Variants in IL23R observed in about 807,000 individuals in gnomAD.
The protein encoded by IL23R is interleukin 23 receptor.
Under a neutral mutation model 56.9 loss-of-function variants are expected in IL23R, and 34 were observed. The ratio of observed to expected loss-of-function variants is 0.60; its 90% confidence interval spans 0.45 to 0.80. The LOEUF (loss-of-function observed/expected upper bound fraction) is 0.80. Ranked by LOEUF, IL23R falls within the 30% of genes least tolerant of loss-of-function variation. IL23R has a pLI of 0.00. For missense variants in IL23R, 635 were observed against 730.0 expected (o/e 0.87, Z 1.50); for synonymous variants, 230 against 249.2 (o/e 0.92, Z 0.73).
chr1:67,254,945 G>T (rs748394833), intron 9 of IL23R, among the ~76,000 whole-genome samples: 9 of 152,094 alleles, frequency 5.9e-5, no homozygotes, highest in Non-Finnish European at 1.2e-4. Flanking sequence ...ACATGGTCTA[G>T]GTAGAAACCA....
intron 1 of IL23R, among the ~76,000 whole-genome samples, chr1:67,147,082 C>G (rs1315452937): frequency 6.6e-6 from 1 of 152,056 alleles, no homozygotes; most frequent in Non-Finnish European, 1.5e-5. Context: ...GGAAGGGACT[C>G]TTTCTTGAGT....
At chr1:67,264,424 G>C (rs1455755918), downstream of IL23R, among the ~76,000 whole-genome samples, 1 of 152,170 alleles carries the variant, frequency 6.6e-6, no homozygotes, top group Non-Finnish European at 1.5e-5. Flanking sequence ...AGAAGATAAT[G>C]TTTTAATGGG....
At chr1:67,223,848 A>T (rs901851016) in intron 7 of IL23R, among the ~76,000 whole-genome samples, 10 of 152,184 alleles carry the variant, frequency 6.6e-5, no homozygotes, top group African/African-American at 2.4e-4. Flanking sequence ...TTTATCCATT[A>T]TCAATAAACT....
At chr1:67,239,623 A>C (rs901348644) in intron 8 of IL23R, among the ~76,000 whole-genome samples, 3 of 151,964 alleles carry the variant, frequency 2.0e-5, no homozygotes, top group Non-Finnish European at 4.4e-5. Context: ...TTTCTTTTTT[A>C]TTTTTTATTT....
intron 3 of IL23R, among the ~76,000 whole-genome samples, chr1:67,171,622 C>T (rs946469395): frequency 2.6e-5 from 4 of 152,154 alleles, no homozygotes; most frequent in South Asian, 4.1e-4. Context: ...TGACTGGGCT[C>T]TTTCTACGTG....
chr1:67,211,438 T>C (rs1350936657), intron 6 of IL23R, among the ~76,000 whole-genome samples: 1 of 152,172 alleles, frequency 6.6e-6, no homozygotes, highest in African/African-American at 2.4e-5. Context: ...CTGGCCATCA[T>C]GGCAAAACCC....
chr1:67,144,840 T>G (rs1160818133), intron 1 of IL23R, among the ~76,000 whole-genome samples: 1 of 152,224 alleles, frequency 6.6e-6, no homozygotes, highest in African/African-American at 2.4e-5. Flanking sequence ...TACTTACTGA[T>G]AATTCCTGGA....
In IL23R at chr1:67,199,339, C is replaced by G. The variant is rs189503756; in HGVS notation, c.492-1398C>G. ...CCAGGAGGTTGGCCTTCCCCCTACC[C>G]CATTGCGATCTCTCACCCCATCCTG... On this transcript the variant is annotated intron_variant, in intron 4 of 10. Transcript: ENST00000347310. 1.5e-3 allele frequency among the ~76,000 whole-genome samples: 228 copies of G among 152,290 alleles called. 1 individual carries two copies. Among genetic ancestry groups the G allele is most frequent in the African/African-American group, 5.3e-3 (220 of 41,568 alleles).
intron 9 of IL23R, among the ~76,000 whole-genome samples, chr1:67,252,174 C>T (rs1652667321): frequency 1.3e-5 from 2 of 152,166 alleles, no homozygotes; most frequent in African/African-American, 4.8e-5. Flanking sequence ...TTAAGGATCT[C>T]ATTTTTACCT....
chr1:67,265,465 A>T, the IL23R span, among the ~76,000 whole-genome samples: 1 of 152,296 alleles, frequency 6.6e-6, no homozygotes, highest in Non-Finnish European at 1.5e-5. Flanking sequence ...TAACCTAACA[A>T]TATGTCTCAG....
At chr1:67,224,643 A>G (rs1650499672) in intron 7 of IL23R, among the ~76,000 whole-genome samples, 1 of 152,148 alleles carries the variant, frequency 6.6e-6, no homozygotes, top group East Asian at 1.9e-4. Flanking sequence ...AAACCAACTC[A>G]CTTATAATCA....
chr1:67,245,247 G>A (rs1278468962), intron 9 of IL23R, among the ~76,000 whole-genome samples: 1 of 152,126 alleles, frequency 6.6e-6, no homozygotes, highest in African/African-American at 2.4e-5. Flanking sequence ...ATACAGTCAT[G>A]TCATCTGCAG....
chr1:67,151,130 T>C lies in IL23R; in HGVS notation c.-634+11969T>C, dbSNP rs554188712. 5.3e-5 allele frequency among the ~76,000 whole-genome samples: 8 copies of C among 152,334 alleles called. No homozygotes were observed. The South Asian group carries it at 1.7e-3, about 32-fold the overall frequency. ...CACCAGCATCTATTGTTTCTTGACT[T>C]TTTAATGATCACCATTCTGACTGGT... is the stretch of plus-strand genomic sequence containing the variant. On this transcript the variant is annotated intron_variant, in intron 1 of 10. Transcript: ENST00000637002.
chr1:67,151,731 T>C (rs538929159), intron 1 of IL23R, among the ~76,000 whole-genome samples: 100 of 152,376 alleles, frequency 6.6e-4, no homozygotes, highest in Middle Eastern at 3.4e-3. Context: ...TGCTTATTTT[T>C]GTCACGTTTG....
intron 4 of IL23R, among the ~76,000 whole-genome samples, chr1:67,183,271 C>T (rs1647182752): frequency 6.6e-6 from 1 of 152,228 alleles, no homozygotes; most frequent in African/African-American, 2.4e-5. Context: ...CACAGTGGCT[C>T]ACACCTGTAA....
intron 1 of IL23R, among the ~76,000 whole-genome samples, chr1:67,146,325 G>A (rs1054269186): frequency 3.3e-5 from 5 of 151,860 alleles, no homozygotes; most frequent in African/African-American, 1.2e-4. Flanking sequence ...TAATGCCGCT[G>A]GTACCTGATG....
chr1:67,247,475 T>G (rs1652309505), intron 9 of IL23R, among the ~76,000 whole-genome samples: 3 of 152,078 alleles, frequency 2.0e-5, no homozygotes, highest in African/African-American at 7.2e-5. Flanking sequence ...TGGCTAATTT[T>G]GTATTTTTAG....
chr1:67,213,411 A>C (rs1649629883), intron 6 of IL23R, among the ~76,000 whole-genome samples: 1 of 152,196 alleles, frequency 6.6e-6, no homozygotes, highest in Non-Finnish European at 1.5e-5. Flanking sequence ...TGAAAGTCAC[A>C]GTATTGAGGG....
intron 6 of IL23R, among the ~76,000 whole-genome samples, chr1:67,210,788 A>G (rs1649414378): frequency 6.6e-6 from 1 of 152,142 alleles, no homozygotes; most frequent in African/African-American, 2.4e-5. Context: ...TTTCTTAATT[A>G]ACAGTTATGT....
Sources: allele counts gnomAD v4.1 joint callset (sites outside exome capture counted in the v4.1 genomes callset), GRCh38; gene constraint gnomAD v4.1.1; transcripts MANE v1.5; gene names NCBI Gene and HGNC (gene_info 2026-07-23, HGNC 2026-07-21).